CACNA2D3: variants seen among roughly 807,000 people sequenced by gnomAD.
CACNA2D3 encodes voltage-dependent calcium channel subunit alpha-2/delta-3.
Under a neutral mutation model 160.6 loss-of-function variants are expected in CACNA2D3, and 60 were observed. That is an observed-to-expected ratio of 0.37 (90% CI 0.30 to 0.46). The LOEUF (loss-of-function observed/expected upper bound fraction) is 0.46. Ranked by LOEUF, CACNA2D3 falls within the 20% of genes least tolerant of loss-of-function variation. CACNA2D3 has a pLI of 1.00. For synonymous variants in CACNA2D3, 558 were observed against 492.9 expected, an observed-to-expected ratio of 1.13 and a Z score of -1.75; for missense variants, 1,205 against 1,365.0, an observed-to-expected ratio of 0.88 and a Z score of 1.85.
intron 2 of CACNA2D3, among the ~76,000 whole-genome samples, chr3:54,182,206 C>T (rs920107581): frequency 6.6e-6 from 1 of 152,178 alleles, no homozygotes; most frequent in Admixed American, 6.5e-5. Context: ...GTCCAACACT[C>T]CCTGAGAACT....
At chr3:54,465,973 C>G (rs1418771617) in intron 4 of CACNA2D3, among the ~76,000 whole-genome samples, 1 of 152,198 alleles carries the variant, frequency 6.6e-6, no homozygotes, top group African/African-American at 2.4e-5. Context: ...CTGAGGTCCC[C>G]CCTGCCTTGC....
intron 27 of CACNA2D3, among the ~76,000 whole-genome samples, chr3:54,911,246 C>T (rs559515758): frequency 2.0e-5 from 3 of 148,888 alleles, no homozygotes; most frequent in African/African-American, 7.4e-5. Flanking sequence ...TTATTTTTTA[C>T]AATTTGTTTG....
intron 11 of CACNA2D3, among the ~76,000 whole-genome samples, chr3:54,746,863 A>G (rs1166420194): frequency 6.6e-6 from 1 of 151,970 alleles, no homozygotes; most frequent in Admixed American, 6.6e-5. Context: ...ACAGCTGGGT[A>G]CAGATCTGCC....
rs776613792 is a variant in CACNA2D3, at chr3:54,925,048, C to G, written c.2449+25180C>G. On this transcript the variant is annotated intron_variant, in intron 27 of 37. Coordinates refer to ENST00000474759, the MANE Select transcript of CACNA2D3 (RefSeq NM_018398.3). ...GCAGGAAGATGGTGTATCTGATTAT[C>G]TTGTAAATGCAGCGTTCGAGTCTGA... The G allele has an allele frequency of 4.3e-6, 7 of 1,613,994 alleles. No individual in the cohort carries two copies. In the Admixed American group the frequency reaches 8.3e-5, roughly 19 times the overall value.
intron 21 of CACNA2D3, among the ~76,000 whole-genome samples, chr3:54,883,812 T>TCTCTCTCTCTCTCTCTCTCTCTCC (rs1699860348): frequency 7.9e-6 from 1 of 127,270 alleles, no homozygotes; most frequent in Non-Finnish European, 1.7e-5. Flanking sequence ...TCTCTCTCTC[T>TCTCTCTCTCTCTCTCTCTCTCTCC]CTCTCTCTCT....
intron 2 of CACNA2D3, among the ~76,000 whole-genome samples, chr3:54,280,776 C>T (rs1267179950): frequency 4.6e-5 from 7 of 152,162 alleles, no homozygotes; most frequent in African/African-American, 1.7e-4. Context: ...CATTCCCTCT[C>T]GCCATCACCT....
chr3:54,843,153 G>C (rs1698858604), intron 16 of CACNA2D3, among the ~76,000 whole-genome samples: 2 of 151,974 alleles, frequency 1.3e-5, no homozygotes, highest in African/African-American at 4.8e-5. Context: ...GTAGAGACAG[G>C]GTTTCACCAT....
chr3:54,150,737 A>G (rs1452888834), intron 2 of CACNA2D3, among the ~76,000 whole-genome samples: 2 of 152,260 alleles, frequency 1.3e-5, no homozygotes, highest in African/African-American at 4.8e-5. Context: ...AAACAAAATG[A>G]TAATTATAAT....
chr3:54,653,665 C>A (rs1435771531), intron 11 of CACNA2D3, among the ~76,000 whole-genome samples: 1 of 152,168 alleles, frequency 6.6e-6, no homozygotes, highest in Non-Finnish European at 1.5e-5. Context: ...AAGAACATGA[C>A]AAGACAAGTT....
intron 14 of CACNA2D3, among the ~76,000 whole-genome samples, chr3:54,824,661 C>T (rs372823659): frequency 2.6e-5 from 4 of 152,110 alleles, no homozygotes; most frequent in Non-Finnish European, 2.9e-5. Context: ...CAGGATACAT[C>T]GTCCTGAGCC....
At chr3:55,071,454 C>CTAAT (rs1171886798) in intron 35 of CACNA2D3, among the ~76,000 whole-genome samples, 10 of 152,110 alleles carry the variant, frequency 6.6e-5, no homozygotes, top group Admixed American at 1.3e-4. Flanking sequence ...ATGATTATTC[C>CTAAT]TAATTTGAAA....
intron 31 of CACNA2D3, among the ~76,000 whole-genome samples, chr3:54,991,634 A>G (rs537920965): frequency 3.3e-5 from 5 of 152,186 alleles, no homozygotes; most frequent in African/African-American, 1.2e-4. Context: ...GGGAGAAAAT[A>G]CAGCCTGTCA....
intron 2 of CACNA2D3, among the ~76,000 whole-genome samples, chr3:54,297,040 A>C (rs1371845944): frequency 1.3e-5 from 2 of 152,030 alleles, no homozygotes; most frequent in Non-Finnish European, 2.9e-5. Flanking sequence ...CTCTAGGGTC[A>C]CCTTTCCCTT....
At chr3:55,016,305 C>T (rs908312597) in intron 34 of CACNA2D3, among the ~76,000 whole-genome samples, 8 of 152,194 alleles carry the variant, frequency 5.3e-5, no homozygotes, top group African/African-American at 1.7e-4. Context: ...AAAACATACA[C>T]TTAAGCAGCA....
intron 13 of CACNA2D3, among the ~76,000 whole-genome samples, chr3:54,788,785 T>G (rs1332053348): frequency 6.6e-6 from 1 of 152,234 alleles, no homozygotes; most frequent in East Asian, 1.9e-4. Flanking sequence ...GTTAAAGTGC[T>G]GATACTGTGA....
intron 2 of CACNA2D3, among the ~76,000 whole-genome samples, chr3:54,150,220 A>T (rs1424285969): frequency 6.6e-6 from 1 of 152,094 alleles, no homozygotes; most frequent in African/African-American, 2.4e-5. Flanking sequence ...CAGTTTTAGG[A>T]TGCAGTTTAC....
chr3:54,419,720 C>T (rs1017676717), intron 4 of CACNA2D3, among the ~76,000 whole-genome samples: 4 of 152,178 alleles, frequency 2.6e-5, no homozygotes, highest in African/African-American at 9.7e-5. Flanking sequence ...TTAGACATAT[C>T]TTAGCACTTA....
chr3:54,879,205 C>A, intron 19 of CACNA2D3, 116 bp downstream of exon 19: 2 of 853,158 alleles, frequency 2.3e-6, no homozygotes, highest in Non-Finnish European at 3.6e-6. Context: ...TTTCTCTTGT[C>A]TTTACTTATC....
intron 14 of CACNA2D3, among the ~76,000 whole-genome samples, chr3:54,832,747 T>A (rs1703908142): frequency 6.6e-6 from 1 of 152,188 alleles, no homozygotes; most frequent in Non-Finnish European, 1.5e-5. Context: ...CTTTTCTTTC[T>A]CCCTTAGCAG....
Sources: gnomAD v4.1 joint callset for allele counts (sites outside exome capture counted in the v4.1 genomes callset) on GRCh38, gnomAD v4.1.1 for gene constraint, MANE v1.5 for transcripts, NCBI Gene and HGNC (gene_info 2026-07-23, HGNC 2026-07-21) for gene names.